LRRC69: variants seen among roughly 807,000 people sequenced by gnomAD.
LRRC69 encodes leucine rich repeat containing 69, also known as leucine-rich repeat-containing protein 69.
A neutral mutation model predicts 37.8 loss-of-function variants in LRRC69; 42 were observed. The ratio of observed to expected loss-of-function variants is 1.11; its 90% CI spans 0.87 to 1.44. The LOEUF is 1.44. Among genes scored for constraint, LRRC69 ranks in the 40% most tolerant of loss-of-function variants. The pLI is 0.00. For missense variants in LRRC69, 357 were observed against 401.9 expected (o/e 0.89, Z 0.96); for synonymous variants, 141 against 143.1 (o/e 0.99, Z 0.11).
chr8:91,195,122 A>G (rs2130619188), intron 6 of LRRC69, among the ~76,000 whole-genome samples: 1 of 152,308 alleles, frequency 6.6e-6, no homozygotes, highest in Middle Eastern at 3.4e-3. Flanking sequence ...ATTCAAGAGC[A>G]GGTTGTTCAG....
At chr8:91,129,328 A>G (rs970712104) in intron 3 of LRRC69, among the ~76,000 whole-genome samples, 1 of 151,966 alleles carries the variant, frequency 6.6e-6, no homozygotes. Flanking sequence ...TGTCAGGGAG[A>G]ATCTACAAGT....
intron 5 of LRRC69, chr8:91,158,671 A>G: frequency 7.9e-7 from 1 of 1,260,210 alleles, no homozygotes; most frequent in Non-Finnish European, 1.2e-6. Context: ...TGGTTACTCC[A>G]CTGCCATGTG....
At chr8:91,119,722 C>G (rs901933804) in intron 1 of LRRC69, among the ~76,000 whole-genome samples, 2 of 152,022 alleles carry the variant, frequency 1.3e-5, no homozygotes, top group African/African-American at 4.8e-5. Flanking sequence ...CTCCTCCTCT[C>G]AGCAGATGAC....
chr8:91,133,875 G>C (rs1373497835), intron 4 of LRRC69, among the ~76,000 whole-genome samples: 1 of 151,866 alleles, frequency 6.6e-6, no homozygotes, highest in Non-Finnish European at 1.5e-5. Flanking sequence ...CTCGTGATCC[G>C]CCCACCTCGG....
chr8:91,168,337 G>C (rs1809064792), intron 5 of LRRC69, among the ~76,000 whole-genome samples: 1 of 151,584 alleles, frequency 6.6e-6, no homozygotes, highest in South Asian at 2.1e-4. Context: ...AATGTGGCAG[G>C]TGCTGTTGGG....
intron 4 of LRRC69, 80 bp downstream of exon 4, chr8:91,133,385 G>A (rs1204714609): frequency 9.3e-7 from 1 of 1,072,568 alleles, no homozygotes; most frequent in Non-Finnish European, 1.3e-6. Context: ...GATTAGATTT[G>A]GGTATCTGAG....
intron 5 of LRRC69, among the ~76,000 whole-genome samples, chr8:91,173,822 C>G (rs531744312): frequency 2.6e-5 from 4 of 151,834 alleles, no homozygotes. Flanking sequence ...AGGGCTCAAC[C>G]CTCACAAACT....
chr8:91,166,351 C>A (rs1809026646), intron 5 of LRRC69, among the ~76,000 whole-genome samples: 1 of 151,544 alleles, frequency 6.6e-6, no homozygotes. Context: ...GAACCTTAGA[C>A]AAATTGTGCT....
At chr8:91,218,391 A>G (rs754765409) in intron 7 of LRRC69, among the ~76,000 whole-genome samples, 19 of 152,210 alleles carry the variant, frequency 1.2e-4, no homozygotes, top group Non-Finnish European at 2.1e-4. Context: ...TTCATGTATT[A>G]GGCAACTTGC....
At position 91,133,316 on chromosome 8, in the gene LRRC69, C is replaced by T. The variant is rs563671170; in HGVS notation, c.579+11C>T. On this transcript the variant is annotated intron_variant, in intron 4 of 7. Transcript: ENST00000448384. ...GGAGTTTTGCCGGAGGTAAGCAAAA[C>T]ATGGAACCACAGTAGTTTGCTGTTG... 2.3e-4 allele frequency: 343 copies of T among 1,492,844 alleles called. 7 individuals carry two copies. The South Asian group carries it at 4.3e-3, about 19-fold the overall frequency. The allele number at this position is 1,492,844 out of a possible 1,614,324, so 92.5% of individuals were successfully genotyped here. A position where few individuals can be genotyped will look rare whatever the true frequency, so the allele number is the denominator to read the frequency against.
In LRRC69 at chr8:91,191,045, C is replaced by CA. The variant is rs199985719; in HGVS notation, c.753+1422_753+1423insA. On this transcript the variant is annotated intron_variant, in intron 6 of 7. Transcript: ENST00000448384. ...CAGAGCAGGATCCTGTCTCAAACCC[C>CA]CCCCCCCCCAAGTCAAAAAGCAACA... Among the ~76,000 whole-genome samples the CA allele has an allele frequency of 5.0e-4, 70 of 141,082 alleles. 1 individual carries two copies. In the East Asian group the frequency reaches 0.013, roughly 25 times the overall value. The allele number at this position is 141,082 out of a possible 152,430, so 92.6% of individuals were successfully genotyped here.
chr8:91,135,600 TTTATGATTTTCC>T, intron 4 of LRRC69, 56 bp from the exon 5 acceptor site: 1 of 1,066,992 alleles, frequency 9.4e-7, no homozygotes, highest in Non-Finnish European at 1.3e-6. Flanking sequence ...TTTAAAAAAA[TTTATGATTTTCC>T]TTATGATTTT....
At chr8:91,165,038 G>C (rs1014472476) in intron 5 of LRRC69, among the ~76,000 whole-genome samples, 1 of 151,592 alleles carries the variant, frequency 6.6e-6, no homozygotes, top group African/African-American at 2.4e-5. Context: ...AGACTCCTAC[G>C]AAGGTTCATT....
intron 6 of LRRC69, among the ~76,000 whole-genome samples, chr8:91,190,118 T>G (rs947961206): frequency 2.0e-5 from 3 of 152,194 alleles, no homozygotes; most frequent in African/African-American, 7.2e-5. Context: ...CTCCCACATT[T>G]GGCTATGATT....
At chr8:91,116,570 T>G (rs772546723) in intron 1 of LRRC69, among the ~76,000 whole-genome samples, 1 of 151,998 alleles carries the variant, frequency 6.6e-6, no homozygotes, top group Non-Finnish European at 1.5e-5. Flanking sequence ...CATGTGCATA[T>G]GTATGATCAT....
At chr8:91,215,059 T>G (rs1361024530) in intron 7 of LRRC69, among the ~76,000 whole-genome samples, 3 of 152,136 alleles carry the variant, frequency 2.0e-5, no homozygotes, top group East Asian at 3.9e-4. Context: ...ATCTCCTTCT[T>G]CCACTTTAAC....
At chr8:91,127,205 C>T in intron 3 of LRRC69, 45 bp downstream of exon 3, 3 of 1,367,588 alleles carry the variant, frequency 2.2e-6, no homozygotes, top group East Asian at 2.5e-5. Flanking sequence ...CGTGCCCCTC[C>T]TCTATCCCCA....
intron 5 of LRRC69, among the ~76,000 whole-genome samples, chr8:91,144,590 A>G (rs1808584600): frequency 6.6e-6 from 1 of 151,846 alleles, no homozygotes; most frequent in Non-Finnish European, 1.5e-5. Context: ...TAGACACTTC[A>G]CTTAACTCGT....
At chr8:91,115,508 C>T (rs1451196549) in intron 1 of LRRC69, among the ~76,000 whole-genome samples, 5 of 151,862 alleles carry the variant, frequency 3.3e-5, no homozygotes, top group Non-Finnish European at 7.4e-5. Context: ...TTTTAAAATA[C>T]TGTGTCTATT....
Sources: gnomAD v4.1 joint callset for allele counts (sites outside exome capture counted in the v4.1 genomes callset) on GRCh38, gnomAD v4.1.1 for gene constraint, MANE v1.5 for transcripts, NCBI Gene and HGNC (gene_info 2026-07-23, HGNC 2026-07-21) for gene names.